NEGR1: variants seen among roughly 807,000 people sequenced by gnomAD.
NEGR1 encodes IgLON family member 4.
Under a neutral mutation model 40.9 loss-of-function variants are expected in NEGR1, and 10 were observed. The ratio of observed to expected loss-of-function variants is 0.24; its 90% CI spans 0.15 to 0.42. The LOEUF is 0.42. NEGR1 is among the 10% of genes least tolerant of loss of function. NEGR1 has a pLI of 1.00. For synonymous variants in NEGR1, 185 were observed against 166.8 expected (o/e 1.11, Z -0.84); for missense variants, 352 against 438.9 (o/e 0.80, Z 1.77).
chr1:72,074,032 G>T (rs539886543), intron 1 of NEGR1, among the ~76,000 whole-genome samples: 12 of 152,134 alleles, frequency 7.9e-5, no homozygotes, highest in African/African-American at 2.9e-4. Flanking sequence ...TCAATTCTAT[G>T]ATACGCTATT....
At chr1:71,825,191 T>G (rs1658575911) in intron 2 of NEGR1, among the ~76,000 whole-genome samples, 1 of 151,954 alleles carries the variant, frequency 6.6e-6, no homozygotes, top group South Asian at 2.1e-4. Context: ...CTGGGGGATG[T>G]AAAATAGTAT....
chr1:71,958,929 T>G lies in NEGR1; in HGVS notation c.177-23618A>C, dbSNP rs1174553155. ...GAGATTGTGCCACTGCACTCCAGCC[T>G]GGGCAAGGCTCCATCTCATCTCAAA... On this transcript the variant is annotated intron_variant, in intron 1 of 6. Coordinates refer to ENST00000357731, the MANE Select transcript of NEGR1 (RefSeq NM_173808.3). 2.8e-5 allele frequency among the ~76,000 whole-genome samples: 4 copies of G among 144,524 alleles called. No homozygotes were observed. In the Admixed American group the frequency reaches 2.8e-4, roughly 10 times the overall value. 94.8% of individuals were successfully genotyped at this position (144,524 alleles called of 152,430 possible).
intron 2 of NEGR1, among the ~76,000 whole-genome samples, chr1:71,900,808 T>A (rs1009336399): frequency 6.6e-6 from 1 of 152,162 alleles, no homozygotes; most frequent in African/African-American, 2.4e-5. Flanking sequence ...TTAATTAATA[T>A]TAATTTGATT....
intron 4 of NEGR1, among the ~76,000 whole-genome samples, chr1:71,678,411 TAACAA>T (rs777898878): frequency 5.9e-5 from 9 of 152,298 alleles, no homozygotes; most frequent in Admixed American, 5.2e-4. Context: ...ATTTATTCTA[TAACAA>T]AACAAGTATA....
At chr1:72,140,557 C>A (rs1196685220) in intron 1 of NEGR1, among the ~76,000 whole-genome samples, 1 of 152,014 alleles carries the variant, frequency 6.6e-6, no homozygotes, top group African/African-American at 2.4e-5. Flanking sequence ...AAGGGTCTCA[C>A]TTCTTAACGC....
intron 5 of NEGR1, among the ~76,000 whole-genome samples, chr1:71,600,345 G>A (rs1434610335): frequency 6.6e-6 from 1 of 152,196 alleles, no homozygotes. Context: ...GAGCTTAGCA[G>A]GAGAGATGAA....
chr1:71,798,469 T>C (rs1657422470), intron 2 of NEGR1, among the ~76,000 whole-genome samples: 1 of 152,184 alleles, frequency 6.6e-6, no homozygotes, highest in Non-Finnish European at 1.5e-5. Flanking sequence ...AAGAACAGGA[T>C]AAATAATAAC....
intron 3 of NEGR1, among the ~76,000 whole-genome samples, chr1:71,759,443 G>A (rs1399907592): frequency 6.7e-6 from 1 of 149,294 alleles, no homozygotes; most frequent in African/African-American, 2.5e-5. Context: ...AATTACAGGC[G>A]CATGCCGCCA....
At chr1:72,088,968 T>C (rs76929712) in intron 1 of NEGR1, among the ~76,000 whole-genome samples, 2,333 of 151,950 alleles carry the variant, frequency 0.015, 56 homozygotes, top group African/African-American at 0.053. Flanking sequence ...AGCCACAGCG[T>C]CTGGCCTATA....
intron 6 of NEGR1, among the ~76,000 whole-genome samples, chr1:71,469,340 G>A (rs1301955807): frequency 2.6e-5 from 4 of 151,910 alleles, no homozygotes; most frequent in African/African-American, 9.7e-5. Flanking sequence ...GTAAAATAGA[G>A]CGCACCACTT....
chr1:71,443,562 T>C (rs1224620594), intron 6 of NEGR1, among the ~76,000 whole-genome samples: 1 of 152,214 alleles, frequency 6.6e-6, no homozygotes, highest in Non-Finnish European at 1.5e-5. Context: ...TATTTCTTGA[T>C]CAGATGCATG....
At chr1:71,849,899 T>C (rs574656579) in intron 2 of NEGR1, among the ~76,000 whole-genome samples, 20 of 152,266 alleles carry the variant, frequency 1.3e-4, no homozygotes, top group African/African-American at 4.6e-4. Flanking sequence ...CTCTACAATA[T>C]AGTGTAAATA....
At chr1:72,185,116 T>C (rs369016743) in intron 1 of NEGR1, among the ~76,000 whole-genome samples, 20 of 152,072 alleles carry the variant, frequency 1.3e-4, no homozygotes, top group African/African-American at 4.3e-4. Flanking sequence ...TGGCAGGTTA[T>C]CCATACATGC....
chr1:71,726,117 C>G (rs964078043), intron 3 of NEGR1, among the ~76,000 whole-genome samples: 1 of 152,088 alleles, frequency 6.6e-6, no homozygotes, highest in South Asian at 2.1e-4. Context: ...ACAGTACTTA[C>G]GTGATCCTTA....
In NEGR1 at chr1:72,134,213, C is replaced by CT. The variant is rs538728682; in HGVS notation, c.176+148105dup. Among the ~76,000 whole-genome samples, 174 of 136,054 alleles carry CT rather than the reference C, an allele frequency of 1.3e-3. 1 individual carries two copies. The highest frequency in any genetic ancestry group is 4.5e-3 in the South Asian group (19 of 4,236). The allele number at this position is 136,054 out of a possible 152,430, so 89.3% of individuals were successfully genotyped here. A position where few individuals can be genotyped will look rare whatever the true frequency, so the allele number is the denominator to read the frequency against. On this transcript the variant is annotated intron_variant, in intron 1 of 6. Coordinates refer to ENST00000357731, the MANE Select transcript of NEGR1 (RefSeq NM_173808.3). ...TTGGGGGGAAATACGTTTTTTTTTT[C>CT]TTTTTTTTTTTTTGAGATGGAGTCT... is the stretch of plus-strand genomic sequence containing the variant.
At chr1:71,693,142 A>G (rs2101624106) in intron 4 of NEGR1, among the ~76,000 whole-genome samples, 1 of 151,810 alleles carries the variant, frequency 6.6e-6, no homozygotes, top group African/African-American at 2.4e-5. Context: ...TAAAAAATGG[A>G]ATTAGTGCTG....
chr1:71,562,053 A>G (rs907122191), intron 6 of NEGR1, among the ~76,000 whole-genome samples: 6 of 151,232 alleles, frequency 4.0e-5, no homozygotes, highest in Non-Finnish European at 8.9e-5. Context: ...AAGTGGAGGC[A>G]TGAAGATCCG....
intron 4 of NEGR1, among the ~76,000 whole-genome samples, chr1:71,668,092 G>T (rs1251939272): frequency 3.3e-5 from 5 of 152,104 alleles, no homozygotes; most frequent in African/African-American, 1.2e-4. Flanking sequence ...GGAACTAACA[G>T]TTGAAACCAT....
intron 1 of NEGR1, among the ~76,000 whole-genome samples, chr1:72,231,421 G>A (rs1195658057): frequency 1.3e-5 from 2 of 152,146 alleles, no homozygotes; most frequent in Non-Finnish European, 2.9e-5. Context: ...AAGTGACATT[G>A]TTTTGTATCA....
Sources: gnomAD v4.1 joint callset for allele counts (sites outside exome capture counted in the v4.1 genomes callset) on GRCh38, gnomAD v4.1.1 for gene constraint, MANE v1.5 for transcripts, NCBI Gene and HGNC (gene_info 2026-07-23, HGNC 2026-07-21) for gene names.